The following PDGFRB variants were observed in gnomAD, a reference collection of about 807,000 sequenced individuals.
The protein encoded by PDGFRB is platelet derived growth factor receptor beta.
PDGFRB carries 42 observed loss-of-function variants against 120.2 expected under a neutral mutation model. The observed-to-expected ratio is 0.35, with a 90% confidence interval of 0.27 to 0.45. The LOEUF (loss-of-function observed/expected upper bound fraction) is 0.45. Ranked by LOEUF, PDGFRB falls within the 20% of genes least tolerant of loss-of-function variation. The pLI, the probability that PDGFRB is intolerant of heterozygous loss-of-function variation, is 1.00. For missense variants in PDGFRB, 1,149 were observed against 1,476.3 expected, an observed-to-expected ratio of 0.78 and a Z score of 3.63; for synonymous variants, 586 against 606.8, an observed-to-expected ratio of 0.97 and a Z score of 0.50.
chr5:150,132,185 G>A lies in PDGFRB; in HGVS notation c.1128-91C>T, dbSNP rs1250173244. The A allele has an allele frequency of 5.6e-6, 4 of 709,682 alleles. No homozygotes were observed. The highest frequency in any genetic ancestry group is 9.9e-6 in the Non-Finnish European group (4 of 402,884). 44.0% of individuals were successfully genotyped at this position (709,682 alleles called of 1,614,324 possible). Reference sequence around the variant, plus strand: ...TATAAAGAGGAACAAGGCCCAGGGAGGGGAAGGGCTTGCCAAGGTCATCTC... The same window carrying A: ...TATAAAGAGGAACAAGGCCCAGGGAAGGGAAGGGCTTGCCAAGGTCATCTC... On this transcript the variant is annotated intron_variant, in intron 7 of 22. Transcript: ENST00000261799. This position sits in a 1 kb window ranked among gnomAD's most constrained non-coding sequence, Gnocchi z 5.0.
At chr5:150,134,617 T>C (rs549738071) in intron 4 of PDGFRB, 133 bp downstream of exon 4, 52 of 819,566 alleles carry the variant, frequency 6.3e-5, no homozygotes, top group Non-Finnish European at 8.5e-5. Flanking sequence ...GGGAAAACAC[T>C]ATCTTCCTTC....
At position 150,114,740 on chromosome 5, in the gene PDGFRB, G is replaced by A. The variant is rs898406058; in HGVS notation, c.*1023C>T. 1.3e-5 allele frequency: 3 copies of A among 233,536 alleles called. No homozygotes were observed. The highest frequency in any genetic ancestry group is 1.8e-4 in the South Asian group (1 of 5,534). The allele number at this position is 233,536 out of a possible 1,614,324, so 14.5% of individuals were successfully genotyped here. ...ATGGCCTTGCTTCATCTGGACAAAT[G>A]TGCAACCACCTGGAATACTCTAGAA... On this transcript the variant is annotated 3_prime_UTR_variant, in exon 23 of 23. Transcript: ENST00000261799.
intron 2 of PDGFRB, 56 bp from the exon 3 acceptor site, chr5:150,135,934 A>G (rs944337523): frequency 1.5e-6 from 2 of 1,321,104 alleles, no homozygotes; most frequent in Non-Finnish European, 1.0e-6. Context: ...ACCTCTCCCA[A>G]GGCTGAGCCT....
chr5:150,117,031 G>A (rs542612752), intron 22 of PDGFRB, among the ~76,000 whole-genome samples: 8 of 152,304 alleles, frequency 5.3e-5, no homozygotes, highest in South Asian at 4.1e-4. Flanking sequence ...GAGATCCTGC[G>A]TGGACATCAA....
At position 150,129,968 on chromosome 5, in the gene PDGFRB, C is replaced by T; in HGVS notation, c.1368G>A (p.Arg456=). 7 of 1,613,130 alleles carry T rather than the reference C, an allele frequency of 4.3e-6. No individual in the cohort carries two copies. The highest frequency in any genetic ancestry group is 5.9e-6 in the Non-Finnish European group (7 of 1,179,648). Reference sequence around the variant, plus strand: ...GCGTGGGCGGCAGCTCACGTGGACACCTGCCAGGAGAGCCGGTAGGGTTGG... The same window carrying T: ...GCGTGGGCGGCAGCTCACGTGGACATCTGCCAGGAGAGCCGGTAGGGTTGG... ...IIWSACRDLK[R]CPRELPPTLL... Residue 456 remains arginine (R), a splice_region_variant and synonymous_variant, in exon 10 of 23, where the codon AGG becomes AGA. Coordinates refer to ENST00000261799, the MANE Select transcript of PDGFRB (RefSeq NM_002609.4).
chr5:150,138,325 T>G (rs1481491067), intron 1 of PDGFRB, among the ~76,000 whole-genome samples: 3 of 152,182 alleles, frequency 2.0e-5, no homozygotes, highest in African/African-American at 4.8e-5. Flanking sequence ...GTTTTCAGTT[T>G]AGGTCTGCAG....
In PDGFRB at chr5:150,118,870, G is replaced by A. The variant is rs1343215482; in HGVS notation, c.2799-18C>T. ...TCTCATAGCTGGGGATAGGGAGAAG[G>A]GTCAGGGCCTCTGGCCCAGGGTTCA... On this transcript the variant is annotated intron_variant, in intron 20 of 22. Transcript: ENST00000261799. 1 of 1,514,240 alleles carries A rather than the reference G, an allele frequency of 6.6e-7. No homozygotes were observed. The highest frequency in any genetic ancestry group is 1.7e-5 in the Admixed American group (1 of 57,866). 93.8% of individuals were successfully genotyped at this position (1,514,240 alleles called of 1,614,324 possible).
intron 10 of PDGFRB, among the ~76,000 whole-genome samples, chr5:150,127,798 C>T (rs1760335107): frequency 1.4e-5 from 2 of 140,586 alleles, no homozygotes; most frequent in Non-Finnish European, 3.0e-5. Flanking sequence ...CACACCACTG[C>T]ACTCCAGCCT....
At chr5:150,145,318 C>G (rs1760891459) in intron 1 of PDGFRB, among the ~76,000 whole-genome samples, 1 of 152,190 alleles carries the variant, frequency 6.6e-6, no homozygotes, top group African/African-American at 2.4e-5. Flanking sequence ...TCAGTAAGGC[C>G]CACAGTAGGC....
chr5:150,132,067 G>T lies in PDGFRB; in HGVS notation c.1155C>A (p.Arg385=). Residue 385 remains arginine (R), a synonymous_variant, in exon 8 of 23, where the codon CGC becomes CGA. Transcript: ENST00000261799. This position sits in a 1 kb window ranked among gnomAD's most constrained non-coding sequence, Gnocchi z 5.0. ...AGTGGCCAGCCTCTGCCACCTTCAC[G>T]CGAACCAGTGTCAGCTCTGACACAT... ...TRYVSELTLV[R]VKVAEAGHYT... 1 of 1,608,510 alleles carries T rather than the reference G, an allele frequency of 6.2e-7. No individual in the cohort carries two copies.
At chr5:150,124,392 A>G (rs772903250) in intron 13 of PDGFRB, 32 bp from the exon 14 acceptor site, 1 of 1,504,262 alleles carries the variant, frequency 6.6e-7, no homozygotes, top group East Asian at 2.3e-5. Flanking sequence ...GGCCAGGCCC[A>G]GTCATGGAGG....
chr5:150,148,539 G>A (rs1017522604), intron 1 of PDGFRB, among the ~76,000 whole-genome samples: 3 of 152,272 alleles, frequency 2.0e-5, no homozygotes, highest in African/African-American at 7.2e-5. Flanking sequence ...TGCGCCTGAT[G>A]CCATCCAGGG....
chr5:150,124,893 G>GGGCCCCCCCCCC, intron 12 of PDGFRB, 62 bp from the exon 13 acceptor site: 3 of 752,550 alleles, frequency 4.0e-6, no homozygotes, highest in Non-Finnish European at 6.4e-6. Context: ...TCCCCCAGCT[G>GGGCCCCCCCCCC]CCCCCCTCCC....
At position 150,115,649 on chromosome 5, in the gene PDGFRB, G is replaced by C; in HGVS notation, c.*114C>G. ...GTCAGGAGCAGAAAGCTTCCAGAAG[G>C]GGACAGCTGATAAGGGCAGCCTGGC... is the stretch of plus-strand genomic sequence containing the variant. On this transcript the variant is annotated 3_prime_UTR_variant, in exon 23 of 23. Transcript: ENST00000261799. The C allele has an allele frequency of 1.0e-6, 1 of 992,846 alleles. No homozygotes were observed. The highest frequency in any genetic ancestry group is 3.0e-5 in the Admixed American group (1 of 33,196). 61.5% of individuals were successfully genotyped at this position (992,846 alleles called of 1,614,324 possible).
intron 1 of PDGFRB, chr5:150,153,310 C>T (rs1245061905): frequency 6.6e-6 from 1 of 152,266 alleles, no homozygotes; most frequent in Non-Finnish European, 1.5e-5. Flanking sequence ...AAGCCAGGGC[C>T]CGGGCAGACC....
chr5:150,153,119 A>G (rs899556760), intron 1 of PDGFRB, among the ~76,000 whole-genome samples: 7 of 152,298 alleles, frequency 4.6e-5, no homozygotes, highest in Middle Eastern at 3.4e-3. Flanking sequence ...GTGGATTTAA[A>G]TCAAGCCAGG....
intron 1 of PDGFRB, among the ~76,000 whole-genome samples, chr5:150,146,854 A>T (rs1760936739): frequency 6.6e-6 from 1 of 152,192 alleles, no homozygotes; most frequent in Non-Finnish European, 1.5e-5. Flanking sequence ...AGGGATGAGA[A>T]GATCCTCAGG....
intron 1 of PDGFRB, among the ~76,000 whole-genome samples, chr5:150,145,703 C>T (rs1371194480): frequency 3.9e-5 from 6 of 152,060 alleles, no homozygotes; most frequent in Admixed American, 2.0e-4. Context: ...AAAAGGACAG[C>T]CCAGTACCTG....
In PDGFRB at chr5:150,119,580, G is replaced by C; in HGVS notation, c.2699-14C>G. ...AAGGGGTGCCACCTGTTGGGGAGCA[G>C]AGACAAGAGATACACAGGCTCAGGG... On this transcript the variant is annotated splice_polypyrimidine_tract_variant and intron_variant, in intron 19 of 22. Transcript: ENST00000261799. 6.6e-7 allele frequency: 1 copy of C among 1,504,344 alleles called. No homozygotes were observed. The highest frequency in any genetic ancestry group is 1.1e-5 in the South Asian group (1 of 88,896). 93.2% of individuals were successfully genotyped at this position (1,504,344 alleles called of 1,614,324 possible). A position where few individuals can be genotyped will look rare whatever the true frequency, so the allele number is the denominator to read the frequency against.
Sources: gnomAD v4.1 joint callset for allele counts (sites outside exome capture counted in the v4.1 genomes callset) on GRCh38, gnomAD v4.1.1 for gene constraint, Gnocchi (gnomAD v3.1) non-coding constraint, MANE v1.5 for transcripts, NCBI Gene and HGNC (gene_info 2026-07-23, HGNC 2026-07-21) for gene names.